PRMT8: variants seen among roughly 807,000 people sequenced by gnomAD.
The protein encoded by PRMT8 is protein arginine methyltransferase 8.
In PRMT8, 7 loss-of-function variants were observed where a neutral mutation model predicts 47.1. That is an observed-to-expected ratio of 0.15 (90% CI 0.08 to 0.28). The LOEUF is 0.28. Among genes scored for constraint, PRMT8 ranks in the 10% least tolerant of loss-of-function variants. The pLI is 1.00. For missense variants in PRMT8, 237 were observed against 505.4 expected (o/e 0.47, Z 5.09); for synonymous variants, 188 against 186.5 (o/e 1.01, Z -0.07).
chr12:3,426,859 G>A (rs916737584), intron 1 of PRMT8, among the ~76,000 whole-genome samples: 7 of 152,086 alleles, frequency 4.6e-5, no homozygotes, highest in African/African-American at 1.7e-4. Flanking sequence ...CAGCAGTCTC[G>A]GTGGTTAGCA....
chr12:3,537,523 C>T (rs1255685539), intron 1 of PRMT8, among the ~76,000 whole-genome samples: 1 of 152,170 alleles, frequency 6.6e-6, no homozygotes, highest in Non-Finnish European at 1.5e-5. Flanking sequence ...GCATTAATGT[C>T]TTCTTGCTAG....
intron 1 of PRMT8, among the ~76,000 whole-genome samples, chr12:3,440,464 C>CAAGCA (rs1555079933): frequency 2.0e-5 from 3 of 148,284 alleles, no homozygotes; most frequent in African/African-American, 7.5e-5. Flanking sequence ...TCCGTCAAAA[C>CAAGCA]AAACAAAACA....
At chr12:3,468,505 C>T (rs1865126544) in intron 1 of PRMT8, among the ~76,000 whole-genome samples, 1 of 152,222 alleles carries the variant, frequency 6.6e-6, no homozygotes, top group Admixed American at 6.5e-5. Context: ...GTACCCACGC[C>T]AGCTCCTCCC....
At chr12:3,472,787 A>C (rs916951931) in intron 1 of PRMT8, among the ~76,000 whole-genome samples, 3 of 152,034 alleles carry the variant, frequency 2.0e-5, no homozygotes. Flanking sequence ...GGGAGGTCCA[A>C]AGCTCCATGT....
chr12:3,559,070 C>T (rs771010546), intron 4 of PRMT8, among the ~76,000 whole-genome samples: 2 of 152,158 alleles, frequency 1.3e-5, no homozygotes, highest in African/African-American at 2.4e-5. Context: ...GCCAGCCAGA[C>T]AGCCAGCGTT....
At position 3,569,406 on chromosome 12, in the gene PRMT8, G is replaced by C. The variant is rs908637954; in HGVS notation, c.625-71G>C. On this transcript the variant is annotated intron_variant, in intron 5 of 9. Coordinates refer to ENST00000382622, the MANE Select transcript of PRMT8 (RefSeq NM_019854.5). This position sits in a 1 kb window ranked among gnomAD's most constrained non-coding sequence, Gnocchi z 8.2. ...GGGTGCTTGTCTGGTGACTCTATGT[G>C]CAGTTCAAAATGTGATGTCTTTGTC... 8 of 1,263,384 alleles carry C rather than the reference G, an allele frequency of 6.3e-6. No homozygotes were observed. Among genetic ancestry groups the C allele is most frequent in the Admixed American group, 5.0e-5 (3 of 59,408 alleles). The allele number at this position is 1,263,384 out of a possible 1,614,324, so 78.3% of individuals were successfully genotyped here.
rs374982775 is a variant in PRMT8, at chr12:3,484,801, G to A, written c.49-55805G>A. ...CCATTGGGAGGTTTTAAATGGCAAG[G>A]CTTCCTTAGGTTGAGGGCAATGGGT... On this transcript the variant is annotated intron_variant, in intron 1 of 9. Transcript: ENST00000452611. Among the ~76,000 whole-genome samples, 3 of 152,206 alleles carry A rather than the reference G, an allele frequency of 2.0e-5. No homozygotes were observed. In the East Asian group the frequency reaches 5.8e-4, roughly 29 times the overall value.
At chr12:3,507,118 CTTTTTTTTTT>C (rs72188443) in intron 1 of PRMT8, among the ~76,000 whole-genome samples, 6 of 122,572 alleles carry the variant, frequency 4.9e-5, no homozygotes, top group South Asian at 2.7e-4. Context: ...GGTGGCCTTT[CTTTTTTTTTT>C]TTTTTTTTTT....
chr12:3,507,118 CTT>C (rs72188443), intron 1 of PRMT8, among the ~76,000 whole-genome samples: 9 of 122,554 alleles, frequency 7.3e-5, no homozygotes, highest in African/African-American at 1.9e-4. Context: ...GGTGGCCTTT[CTT>C]TTTTTTTTTT....
Position 3,592,494 on chromosome 12 carries a change from C to G in PRMT8, c.1101+142C>G, listed in dbSNP as rs149273323. ...CAGGCAGTCGGTAGCCACATGTGGA[C>G]ATGACTAGGCCTAATTGAGGGACTC... On this transcript the variant is annotated intron_variant, in intron 9 of 9. Transcript: ENST00000382622. 5.4e-4 allele frequency: 473 copies of G among 878,512 alleles called. 2 individuals are homozygous for G. The African/African-American group carries it at 7.8e-3, about 15-fold the overall frequency. The allele number at this position is 878,512 out of a possible 1,614,324, so 54.4% of individuals were successfully genotyped here.
At chr12:3,507,996 TAGTC>T (rs1225443112) in intron 1 of PRMT8, among the ~76,000 whole-genome samples, 3 of 152,210 alleles carry the variant, frequency 2.0e-5, no homozygotes, top group East Asian at 1.9e-4. Flanking sequence ...GAGAGTATAA[TAGTC>T]AGATCTGATT....
chr12:3,452,336 TACACACACACAC>T (rs1864927943), intron 1 of PRMT8, among the ~76,000 whole-genome samples: 1 of 61,784 alleles, frequency 1.6e-5, no homozygotes, highest in African/African-American at 5.0e-5. Flanking sequence ...CACACACACA[TACACACACACAC>T]ACCCCACAAG....
intron 1 of PRMT8, among the ~76,000 whole-genome samples, chr12:3,524,211 A>C (rs1865920634): frequency 6.6e-6 from 1 of 152,236 alleles, no homozygotes; most frequent in Non-Finnish European, 1.5e-5. Context: ...CTAATGGAGT[A>C]TCTAATAAAT....
intron 4 of PRMT8, among the ~76,000 whole-genome samples, chr12:3,554,626 G>A (rs1206448074): frequency 1.3e-5 from 2 of 152,210 alleles, no homozygotes; most frequent in Non-Finnish European, 2.9e-5. Flanking sequence ...TCCAAAAGGT[G>A]GGAAGGCTGG....
At chr12:3,412,134 C>T (rs1034689737) in intron 1 of PRMT8, among the ~76,000 whole-genome samples, 1 of 152,220 alleles carries the variant, frequency 6.6e-6, no homozygotes, top group African/African-American at 2.4e-5. Flanking sequence ...CTAGGCTATC[C>T]CTACTGCTCC....
intron 1 of PRMT8, among the ~76,000 whole-genome samples, chr12:3,398,709 T>C (rs1864287939): frequency 6.6e-6 from 1 of 152,156 alleles, no homozygotes; most frequent in African/African-American, 2.4e-5. Flanking sequence ...TGGAGGAGAC[T>C]GGTAGAGTCA....
chr12:3,488,467 A>G (rs756926130), upstream of PRMT8, among the ~76,000 whole-genome samples: 12 of 152,136 alleles, frequency 7.9e-5, no homozygotes, highest in Non-Finnish European at 1.6e-4. Context: ...ACACTAGTGA[A>G]CTCTCTGAAC....
At chr12:3,584,407 C>T (rs1163465290) in intron 8 of PRMT8, among the ~76,000 whole-genome samples, 2 of 152,198 alleles carry the variant, frequency 1.3e-5, no homozygotes, top group Non-Finnish European at 2.9e-5. Context: ...GGTAACACCA[C>T]CCCTGAGCCA....
Position 3,446,400 on chromosome 12 carries a change from C to T in PRMT8, c.48+64958C>T, listed in dbSNP as rs11062648. Reference sequence around the variant, plus strand: ...GTGAGCCGGCTCTCTCTGTGGGCACCGCCTCGGCCCCCAGCCTGACTGCCT... The same window carrying T: ...GTGAGCCGGCTCTCTCTGTGGGCACTGCCTCGGCCCCCAGCCTGACTGCCT... On this transcript the variant is annotated intron_variant, in intron 1 of 9. Coordinates refer to the PRMT8 transcript ENST00000452611. 6.6e-5 allele frequency among the ~76,000 whole-genome samples: 10 copies of T among 152,182 alleles called. No homozygotes were observed. The East Asian group carries it at 1.2e-3, about 18-fold the overall frequency.
Sources: gnomAD v4.1 joint callset for allele counts (sites outside exome capture counted in the v4.1 genomes callset) on GRCh38, gnomAD v4.1.1 for gene constraint, Gnocchi (gnomAD v3.1) non-coding constraint, MANE v1.5 for transcripts, NCBI Gene and HGNC (gene_info 2026-07-23, HGNC 2026-07-21) for gene names.